Variants in TMLHE observed in about 807,000 individuals in gnomAD.
The protein encoded by TMLHE is trimethyllysine hydroxylase, epsilon.
TMLHE carries 18 observed loss-of-function variants against 25.7 expected under a neutral mutation model. The ratio of observed to expected loss-of-function variants is 0.70; its 90% CI spans 0.48 to 1.04. The LOEUF is 1.04. Ranked by LOEUF, TMLHE falls within the 50% of genes least tolerant of loss-of-function variation. TMLHE has a pLI of 0.00. For missense variants in TMLHE, 236 were observed against 259.0 expected, an observed-to-expected ratio of 0.91 and a Z score of 0.61; for synonymous variants, 105 against 97.0, an observed-to-expected ratio of 1.08 and a Z score of -0.49.
rs1167232909 is a variant in TMLHE, at chrX:155,572,283, G to A, written c.-1-27006C>T. Among the ~76,000 whole-genome samples the A allele has an allele frequency of 7.1e-5, 4 of 56,176 alleles. 1 individual carries two copies. The highest frequency in any genetic ancestry group is 9.2e-5 in the Non-Finnish European group (2 of 21,814). 48.8% of individuals were successfully genotyped at this position (56,176 alleles called of 115,157 possible). On this transcript the variant is annotated intron_variant, in intron 1 of 7. Transcript: ENST00000334398. ...CCTAGGAATCCAACTTACAAGGGAC[G>A]TGAAGGACCTCTTCAAGGAGAACTA...
chrX:155,578,565 G>A (rs1302872407), intron 1 of TMLHE, among the ~76,000 whole-genome samples: 1 of 111,919 alleles, frequency 8.9e-6, no homozygotes, highest in African/African-American at 3.2e-5. Flanking sequence ...CGGCAAAGAC[G>A]AGCTTCAACC....
At chrX:155,507,215 A>G in intron 5 of TMLHE, 81 bp from the exon 6 acceptor site, 1 of 627,106 alleles carries the variant, frequency 1.6e-6, no homozygotes, top group Non-Finnish European at 2.5e-6. Context: ...TAAAATGATT[A>G]CTGAAACTAC....
chrX:155,513,011 C>CCCT (rs2067128311), intron 4 of TMLHE, among the ~76,000 whole-genome samples: 1 of 111,474 alleles, frequency 9.0e-6, no homozygotes. Flanking sequence ...TTTGAACTAT[C>CCCT]ATCCCTAAAA....
At chrX:155,545,492 A>G (rs1306883252) in intron 1 of TMLHE, among the ~76,000 whole-genome samples, 1 of 112,153 alleles carries the variant, frequency 8.9e-6, no homozygotes, top group Non-Finnish European at 1.9e-5. Context: ...ATGTCATACA[A>G]TCTTCCTTTT....
rs932846114 is a variant in TMLHE, at chrX:155,507,079, C to T, written c.814G>A (p.Val272Ile). ...HEGTGGRTLL[V>I]DGFYAAEQVL... The stretch of plus-strand genomic sequence containing the variant: ...TGTTCTGCTGCATAGAATCCATCTA[C>T]TAGCAGTGTCCTGCCACCAGTTCCT... The change falls in exon 6 of 8, where the codon GTA becomes ATA. Residue 272 changes from valine to isoleucine, a missense_variant. Physicochemically the swap from Val to Ile is conservative, Grantham distance 29 (BLOSUM62 3). This residue lies in a region of TMLHE where 217 missense variants were observed against 214.6 expected (regional missense o/e 1.01). Coordinates refer to ENST00000334398, the MANE Select transcript of TMLHE (RefSeq NM_018196.4). The T allele has an allele frequency of 1.7e-6, 2 of 1,208,242 alleles. No individual in the cohort carries two copies. Among genetic ancestry groups the T allele is most frequent in the African/African-American group, 1.8e-5 (1 of 57,071 alleles).
intron 6 of TMLHE, 131 bp downstream of exon 6, chrX:155,506,763 CTGTT>C (rs1372946814): frequency 6.2e-5 from 33 of 531,869 alleles, no homozygotes; most frequent in Non-Finnish European, 9.8e-5. Context: ...AGAATACAAA[CTGTT>C]TGATAATAAA....
chrX:155,567,670 A>G (rs1557342266), intron 1 of TMLHE, among the ~76,000 whole-genome samples: 1 of 62,332 alleles, frequency 1.6e-5, no homozygotes, highest in African/African-American at 3.6e-5. Flanking sequence ...AATCTTGAGT[A>G]CAAATGGTAG....
intron 5 of TMLHE, among the ~76,000 whole-genome samples, chrX:155,507,355 T>C (rs2067082407): frequency 1.8e-5 from 2 of 110,082 alleles, no homozygotes; most frequent in South Asian, 3.9e-4. Context: ...ATATCTAACA[T>C]ATATTGAAGC....
chrX:155,558,190 A>AC (rs2067471558), intron 1 of TMLHE, among the ~76,000 whole-genome samples: 1 of 111,526 alleles, frequency 9.0e-6, no homozygotes, highest in Non-Finnish European at 1.9e-5. Context: ...TTAACCCCAG[A>AC]TTTACCATGT....
chrX:155,556,897 G>C (rs1162516797), intron 1 of TMLHE, among the ~76,000 whole-genome samples: 1 of 111,862 alleles, frequency 8.9e-6, no homozygotes, highest in African/African-American at 3.2e-5. Context: ...CTTTCTCAGG[G>C]ATGTTCCATG....
chrX:155,547,563 C>G (rs935317047), intron 1 of TMLHE, among the ~76,000 whole-genome samples: 19 of 111,566 alleles, frequency 1.7e-4, no homozygotes, highest in Non-Finnish European at 3.4e-4. Flanking sequence ...ATAACTACTA[C>G]TATTTATAAT....
At chrX:155,538,011 A>G (rs1199213519) in intron 2 of TMLHE, among the ~76,000 whole-genome samples, 1 of 111,344 alleles carries the variant, frequency 9.0e-6, no homozygotes, top group Non-Finnish European at 1.9e-5. Flanking sequence ...TCTGTTTTTC[A>G]AGAATACAAT....
rs782520522 is a variant in TMLHE, at chrX:155,573,986, T to TAATAA, written c.-1-28714_-1-28710dup. On this transcript the variant is annotated intron_variant, in intron 1 of 7. Transcript: ENST00000334398. ...TACCCTAAAACTTAAAGTATAATAA[T>TAATAA]AATAAAATAAAATAAAATAAAATAA... Among the ~76,000 whole-genome samples the TAATAA allele has an allele frequency of 4.2e-4, 44 of 104,036 alleles. 5 individuals carry two copies. The highest frequency in any genetic ancestry group is 1.4e-3 in the African/African-American group (38 of 26,747). 90.3% of individuals were successfully genotyped at this position (104,036 alleles called of 115,157 possible).
At chrX:155,577,992 T>C (rs967080835) in intron 1 of TMLHE, among the ~76,000 whole-genome samples, 5 of 111,655 alleles carry the variant, frequency 4.5e-5, no homozygotes, top group Non-Finnish European at 5.7e-5. Flanking sequence ...GCTGCTACCA[T>C]TGAGAGCCCA....
chrX:155,605,739 A>G (rs782279161), intron 1 of TMLHE, among the ~76,000 whole-genome samples: 1 of 111,966 alleles, frequency 8.9e-6, no homozygotes, highest in East Asian at 2.8e-4. Context: ...AAATCTGCAC[A>G]TATCAATATT....
chrX:155,524,293 T>C (rs1557336157), intron 3 of TMLHE, 163 bp downstream of exon 3: 1 of 440,984 alleles, frequency 2.3e-6, no homozygotes, highest in East Asian at 3.9e-5. Context: ...TGTAACAATT[T>C]TATTTGAAGA....
intron 1 of TMLHE, among the ~76,000 whole-genome samples, chrX:155,561,220 A>T (rs1387441327): frequency 6.5e-5 from 4 of 61,754 alleles, no homozygotes; most frequent in African/African-American, 1.4e-4. Context: ...TCACAGTTCT[A>T]CATGGTTGGA....
intron 5 of TMLHE, among the ~76,000 whole-genome samples, chrX:155,507,643 TGAG>T (rs1557332872): frequency 1.8e-5 from 2 of 110,296 alleles, no homozygotes; most frequent in Non-Finnish European, 3.8e-5. Flanking sequence ...GAGATTGAGA[TGAG>T]GAGAAGGCAT....
At chrX:155,548,062 C>A (rs781975822) in intron 1 of TMLHE, among the ~76,000 whole-genome samples, 4 of 111,760 alleles carry the variant, frequency 3.6e-5, no homozygotes, top group African/African-American at 1.3e-4. Context: ...AAGAATGAGA[C>A]CCCTACCTCT....
Sources: allele counts gnomAD v4.1 joint callset (sites outside exome capture counted in the v4.1 genomes callset), GRCh38; gene constraint gnomAD v4.1.1; regional missense constraint gnomAD v4.1.1; transcripts MANE v1.5; gene names NCBI Gene and HGNC (gene_info 2026-07-23, HGNC 2026-07-21).